The following ADRA1B variants were observed in gnomAD, a reference collection of about 807,000 sequenced individuals.
ADRA1B encodes the protein adrenoceptor alpha 1B, also known as alpha-1B adrenergic receptor.
Under a neutral mutation model 17.9 loss-of-function variants are expected in ADRA1B, and 17 were observed. The ratio of observed to expected loss-of-function variants is 0.95; its 90% CI spans 0.65 to 1.42. ADRA1B has a LOEUF of 1.42. ADRA1B is among the 40% of genes most tolerant of loss of function. The probability of loss-of-function intolerance (pLI) is 0.00; values close to 1 mark genes in which losing one functional copy is unlikely to be tolerated. For missense variants in ADRA1B, 681 were observed against 722.1 expected (o/e 0.94, Z 0.65); for synonymous variants, 366 against 327.6 (o/e 1.12, Z -1.27).
the ADRA1B span, among the ~76,000 whole-genome samples, chr5:159,986,891 G>C: frequency 6.6e-6 from 1 of 152,124 alleles, no homozygotes; most frequent in Admixed American, 6.5e-5. Flanking sequence ...GTCTTAACAG[G>C]GTCCACTTTG....
Position 159,972,142 on chromosome 5 carries a change from G to C in ADRA1B, c.1213G>C (p.Asp405His). ...GSLERSQSRK[D>H]SLDDSGSCLS... ...GCTGGAGCGCTCGCAGTCGCGCAAG[G>C]ACTCGCTGGACGACAGCGGCAGCTG... The change falls in exon 2 of 2, where the codon GAC becomes CAC. Residue 405 changes from aspartate to histidine, a missense_variant. Asp to His is a moderately conservative substitution (Grantham distance 81, BLOSUM62 -1). Coordinates refer to ENST00000306675, the MANE Select transcript of ADRA1B (RefSeq NM_000679.4). The C allele has an allele frequency of 7.4e-7, 1 of 1,351,466 alleles. No individual in the cohort carries two copies. Among genetic ancestry groups the C allele is most frequent in the Non-Finnish European group, 9.6e-7 (1 of 1,041,432 alleles). 83.7% of individuals were successfully genotyped at this position (1,351,466 alleles called of 1,614,324 possible). A position where few individuals can be genotyped will look rare whatever the true frequency, so the allele number is the denominator to read the frequency against.
intron 1 of ADRA1B, among the ~76,000 whole-genome samples, chr5:159,938,623 T>C (rs560437065): frequency 6.3e-4 from 96 of 152,312 alleles, no homozygotes; most frequent in African/African-American, 2.3e-3. Context: ...AAAAAAGAAG[T>C]GAAATCAAAG....
chr5:159,961,976 C>T (rs867973040), intron 1 of ADRA1B, among the ~76,000 whole-genome samples: 12 of 152,182 alleles, frequency 7.9e-5, no homozygotes, highest in Middle Eastern at 3.4e-3. Flanking sequence ...TTTGGGAGGC[C>T]GAGGCGAGGT....
chr5:159,908,551 C>T (rs1754191830), intron 1 of ADRA1B, among the ~76,000 whole-genome samples: 1 of 152,174 alleles, frequency 6.6e-6, no homozygotes, highest in African/African-American at 2.4e-5. Context: ...CCTTCCCCTT[C>T]CACTATGGAG....
intron 1 of ADRA1B, among the ~76,000 whole-genome samples, chr5:159,967,923 T>C (rs1176412556): frequency 1.3e-5 from 2 of 151,958 alleles, no homozygotes; most frequent in African/African-American, 4.8e-5. Flanking sequence ...TCCAGTGTGA[T>C]GAACGTGAAG....
intron 1 of ADRA1B, among the ~76,000 whole-genome samples, chr5:159,878,334 C>T (rs921661475): frequency 6.6e-6 from 1 of 152,124 alleles, no homozygotes; most frequent in Non-Finnish European, 1.5e-5. Flanking sequence ...GCCTCCTGCC[C>T]CAGATGGGAA....
intron 1 of ADRA1B, among the ~76,000 whole-genome samples, chr5:159,886,165 A>G (rs1380900124): frequency 6.6e-6 from 1 of 152,220 alleles, no homozygotes; most frequent in Non-Finnish European, 1.5e-5. Flanking sequence ...AGCAGGAGCT[A>G]GTGTAGCCAG....
chr5:159,971,977 T>A lies in ADRA1B; in HGVS notation c.1048T>A (p.Cys350Ser). 6.9e-7 allele frequency: 1 copy of A among 1,439,074 alleles called. No individual in the cohort carries two copies. The highest frequency in any genetic ancestry group is 9.2e-7 in the Non-Finnish European group (1 of 1,085,038). The allele number at this position is 1,439,074 out of a possible 1,614,324, so 89.1% of individuals were successfully genotyped here. A position where few individuals can be genotyped will look rare whatever the true frequency, so the allele number is the denominator to read the frequency against. The change falls in exon 2 of 2, where the codon TGC becomes AGC. Residue 350 changes from cysteine (C) to serine (S), a missense_variant. Physicochemically the swap from Cys to Ser is moderately radical, Grantham distance 112 (BLOSUM62 -1). Transcript: ENST00000306675. ...NSCLNPIIYP[C>S]SSKEFKRAFV... The stretch of plus-strand genomic sequence containing the variant: ...CTGCCTCAACCCCATCATCTACCCA[T>A]GCTCCAGCAAGGAGTTCAAGCGCGC...
chr5:159,973,250 C>T (rs1755921378), downstream of ADRA1B, among the ~76,000 whole-genome samples: 1 of 152,242 alleles, frequency 6.6e-6, no homozygotes, highest in Non-Finnish European at 1.5e-5. Context: ...CAGTCTGGCC[C>T]TGTGGCTGAA....
chr5:159,881,299 T>TTCTCTCTGTCTCTCTCTCTCTCTCTC (rs56069000), intron 1 of ADRA1B, among the ~76,000 whole-genome samples: 2 of 131,982 alleles, frequency 1.5e-5, no homozygotes, highest in African/African-American at 5.8e-5. Flanking sequence ...TATCAGAAAG[T>TTCTCTCTGTCTCTCTCTCTCTCTCTC]TCTCTCTCTC....
At chr5:159,903,114 G>A (rs533929894) in intron 1 of ADRA1B, among the ~76,000 whole-genome samples, 43 of 152,266 alleles carry the variant, frequency 2.8e-4, no homozygotes, top group African/African-American at 9.6e-4. Context: ...TCAACAGCCC[G>A]GCAGGACCTT....
At chr5:159,905,171 T>C (rs1038004347) in intron 1 of ADRA1B, among the ~76,000 whole-genome samples, 2 of 152,122 alleles carry the variant, frequency 1.3e-5, no homozygotes, top group African/African-American at 4.8e-5. Flanking sequence ...CAGGAGACCA[T>C]TGGGATCTTG....
At chr5:159,879,553 A>G (rs771797333) in intron 1 of ADRA1B, among the ~76,000 whole-genome samples, 2 of 152,096 alleles carry the variant, frequency 1.3e-5, no homozygotes, top group Non-Finnish European at 2.9e-5. Flanking sequence ...TTCTTCTTCT[A>G]TCTTCTTAAT....
the ADRA1B span, among the ~76,000 whole-genome samples, chr5:159,979,775 G>A: frequency 1.3e-5 from 2 of 152,068 alleles, no homozygotes; most frequent in Non-Finnish European, 2.9e-5. Flanking sequence ...GGCTGAGGCA[G>A]GAGAGTCACT....
intron 1 of ADRA1B, among the ~76,000 whole-genome samples, chr5:159,946,652 G>A (rs917148130): frequency 1.3e-5 from 2 of 152,174 alleles, no homozygotes; most frequent in African/African-American, 4.8e-5. Flanking sequence ...CACCAGCCAC[G>A]ATGATTTGAA....
chr5:159,917,071 A>G lies in ADRA1B; in HGVS notation c.166A>G (p.Ile56Val). ...ISVGLVLGAF[I>V]LFAIVGNILV... ...TGTGGGCCTGGTGCTGGGCGCCTTC[A>G]TCCTCTTTGCCATCGTGGGCAACAT... Residue 56 changes from isoleucine (I) to valine (V), a missense_variant, in exon 1 of 2, where the codon ATC becomes GTC. Ile to Val is a conservative substitution (Grantham distance 29). Transcript: ENST00000306675. 1 of 1,614,126 alleles carries G rather than the reference A, an allele frequency of 6.2e-7. No homozygotes were observed. The highest frequency in any genetic ancestry group is 8.5e-7 in the Non-Finnish European group (1 of 1,180,012).
upstream of ADRA1B, among the ~76,000 whole-genome samples, chr5:159,914,436 C>T (rs1331687189): frequency 6.6e-6 from 1 of 152,182 alleles, no homozygotes; most frequent in East Asian, 1.9e-4. Context: ...ATAAGCAAAC[C>T]AAGGTTCTGA....
At chr5:159,874,879 G>A (rs1349747860) in intron 1 of ADRA1B, among the ~76,000 whole-genome samples, 4 of 152,180 alleles carry the variant, frequency 2.6e-5, no homozygotes, top group South Asian at 2.1e-4. Flanking sequence ...CAGTTTGCAC[G>A]AAAAGGGTAT....
In ADRA1B at chr5:159,878,726, T is replaced by C. The variant is rs187683929; in HGVS notation, c.-256+13520T>C. Among the ~76,000 whole-genome samples, 3 of 152,350 alleles carry C rather than the reference T, an allele frequency of 2.0e-5. No individual in the cohort carries two copies. In the East Asian group the frequency reaches 5.8e-4, roughly 29 times the overall value. ...ACAGGAAGTGACAGGATTGGAGTCC[T>C]AGTCTGCTTAGCTCCCTAAAAAATG... On this transcript the variant is annotated intron_variant, in intron 1 of 2. Transcript: ENST00000641205.
Sources: allele counts gnomAD v4.1 joint callset (sites outside exome capture counted in the v4.1 genomes callset), GRCh38; gene constraint gnomAD v4.1.1; transcripts MANE v1.5; gene names NCBI Gene and HGNC (gene_info 2026-07-23, HGNC 2026-07-21).